EBF4: variants seen among roughly 807,000 people sequenced by gnomAD.
The protein encoded by EBF4 is transcription factor COE4.
A neutral mutation model predicts 67.1 loss-of-function variants in EBF4; 34 were observed. The ratio of observed to expected loss-of-function variants is 0.51; its 90% CI spans 0.39 to 0.67. The LOEUF (loss-of-function observed/expected upper bound fraction) is 0.67. Among genes scored for constraint, EBF4 ranks in the 30% least tolerant of loss-of-function variants. The pLI is 0.00. For synonymous variants in EBF4, 387 were observed against 377.7 expected (o/e 1.02, Z -0.29); for missense variants, 837 against 873.3 (o/e 0.96, Z 0.52).
chr20:2,758,823 C>A, intron 15 of EBF4, 86 bp from the exon 16 acceptor site: 1 of 1,222,550 alleles, frequency 8.2e-7, no homozygotes, highest in Non-Finnish European at 1.2e-6. Flanking sequence ...TATCCCCTGC[C>A]TGCTGTCTCC....
At chr20:2,743,623 G>A (rs1182542082) in intron 6 of EBF4, among the ~76,000 whole-genome samples, 2 of 152,178 alleles carry the variant, frequency 1.3e-5, no homozygotes, top group Admixed American at 1.3e-4. Flanking sequence ...GGGTTGAGGG[G>A]AGGGAGGGAG....
chr20:2,697,438 A>G (rs4815517), intron 1 of EBF4, among the ~76,000 whole-genome samples: 87,003 of 143,720 alleles, frequency 0.61, 26,897 homozygotes, highest in African/African-American at 0.86. Flanking sequence ...CCAGCTACTC[A>G]GGAGGCTGAG....
downstream of EBF4, chr20:2,759,493 C>T (rs575878181): frequency 7.6e-5 from 13 of 171,332 alleles, 1 homozygote; most frequent in South Asian, 2.0e-3. Context: ...CAGCACTGTG[C>T]AGATGCTCTT....
chr20:2,723,429 C>A (rs2087708653), intron 6 of EBF4, among the ~76,000 whole-genome samples: 1 of 152,098 alleles, frequency 6.6e-6, no homozygotes, highest in Non-Finnish European at 1.5e-5. Flanking sequence ...CGGCTCACTG[C>A]AAGCTCAGCC....
intron 6 of EBF4, among the ~76,000 whole-genome samples, chr20:2,732,437 A>C (rs907485524): frequency 6.6e-6 from 1 of 152,214 alleles, no homozygotes; most frequent in African/African-American, 2.4e-5. Flanking sequence ...TTAGATACAC[A>C]TGCTTATAAT....
At chr20:2,719,576 T>G (rs2087653001) in intron 6 of EBF4, among the ~76,000 whole-genome samples, 1 of 152,128 alleles carries the variant, frequency 6.6e-6, no homozygotes, top group Non-Finnish European at 1.5e-5. Context: ...CCTGGCCTTT[T>G]GTATTTTTTG....
At chr20:2,760,049 G>C (rs1387573046), downstream of EBF4, 4 of 152,290 alleles carry the variant, frequency 2.6e-5, no homozygotes, top group Non-Finnish European at 5.9e-5. The surrounding 1 kb of genome is among the most constrained non-coding windows in gnomAD (Gnocchi z 4.2). Context: ...GGAGAAAACA[G>C]AACAATAAAC....
chr20:2,755,574 T>TGTCTCCCACCACCTTCCCTGCTGC lies in EBF4; in HGVS notation c.1541-51_1541-28dup. The TGTCTCCCACCACCTTCCCTGCTGC allele has an allele frequency of 1.1e-6, 1 of 892,492 alleles. No homozygotes were observed. Among genetic ancestry groups the TGTCTCCCACCACCTTCCCTGCTGC allele is most frequent in the Non-Finnish European group, 1.8e-6 (1 of 556,532 alleles). The allele number at this position is 892,492 out of a possible 1,614,324, so 55.3% of individuals were successfully genotyped here. ...TCACTCTGGTGCTGTCTCCCTGTTG[T>TGTCTCCCACCACCTTCCCTGCTGC]GTCTCCCACCACCTTCCCTGCTGCG... On this transcript the variant is annotated intron_variant, in intron 14 of 16. Coordinates refer to ENST00000609451, the Ensembl canonical transcript of EBF4. The surrounding 1 kb of genome is among the most constrained non-coding windows in gnomAD (Gnocchi z 4.7).
chr20:2,759,370 G>A (rs778551851), exon 17 of EBF4: 22 of 257,910 alleles, frequency 8.5e-5, no homozygotes, highest in Non-Finnish European at 1.1e-4. Context: ...GGCCATGGGC[G>A]GACCTCAACC....
chr20:2,714,433 C>T (rs939657227), intron 6 of EBF4, among the ~76,000 whole-genome samples: 1 of 151,996 alleles, frequency 6.6e-6, no homozygotes. Flanking sequence ...GCTCACTGCA[C>T]CTCGACCTCC....
At chr20:2,741,019 A>G (rs1226325793) in intron 6 of EBF4, among the ~76,000 whole-genome samples, 1 of 152,136 alleles carries the variant, frequency 6.6e-6, no homozygotes, top group African/African-American at 2.4e-5. Context: ...GTCTTCCAAA[A>G]GAAGCTCCAG....
intron 6 of EBF4, among the ~76,000 whole-genome samples, chr20:2,743,962 G>A (rs2088006583): frequency 6.6e-6 from 1 of 151,984 alleles, no homozygotes; most frequent in Non-Finnish European, 1.5e-5. Context: ...CTTCTATCTT[G>A]CTATTTGTAC....
At chr20:2,737,040 G>C (rs952526692) in intron 6 of EBF4, among the ~76,000 whole-genome samples, 2 of 151,994 alleles carry the variant, frequency 1.3e-5, no homozygotes, top group Non-Finnish European at 2.9e-5. Flanking sequence ...ACAAGGTCAG[G>C]AGATGGAGAC....
chr20:2,705,534 T>A, intron 1 of EBF4, 43 bp from the exon 2 acceptor site: 1 of 1,551,464 alleles, frequency 6.4e-7, no homozygotes, highest in Non-Finnish European at 8.7e-7. Context: ...TCTTTCTCAC[T>A]GGGGGGCCTT....
rs965331197 is a variant in EBF4, at chr20:2,693,922, G to T, written c.137+140G>T. 2 of 1,137,112 alleles carry T rather than the reference G, an allele frequency of 1.8e-6. No individual in the cohort carries two copies. Among genetic ancestry groups the T allele is most frequent in the Non-Finnish European group, 2.2e-6 (2 of 899,824 alleles). 70.4% of individuals were successfully genotyped at this position (1,137,112 alleles called of 1,614,324 possible). On this transcript the variant is annotated intron_variant, in intron 1 of 16. Transcript: ENST00000609451. This position sits in a 1 kb window ranked among gnomAD's most constrained non-coding sequence, Gnocchi z 4.6. ...CCCGGCGAGCTCCCCGGCCCACCCCGTCCGGAGTGCCTGTGCTGCCTCCTG... is the reference window on the plus strand; with the variant it reads ...CCCGGCGAGCTCCCCGGCCCACCCCTTCCGGAGTGCCTGTGCTGCCTCCTG...
At chr20:2,700,393 T>C (rs892207081) in intron 1 of EBF4, among the ~76,000 whole-genome samples, 10 of 152,268 alleles carry the variant, frequency 6.6e-5, no homozygotes, top group African/African-American at 2.4e-4. Context: ...TCCCCCTTTC[T>C]TTCTTTTAAA....
At chr20:2,719,520 G>T (rs568115252) in intron 6 of EBF4, among the ~76,000 whole-genome samples, 1 of 152,150 alleles carries the variant, frequency 6.6e-6, no homozygotes, top group African/African-American at 2.4e-5. Context: ...AGTAATCCAG[G>T]CCCTGGCCTC....
intron 6 of EBF4, among the ~76,000 whole-genome samples, chr20:2,718,182 A>C (rs752871152): frequency 4.6e-5 from 7 of 152,096 alleles, no homozygotes; most frequent in Non-Finnish European, 1.0e-4. Context: ...TTTTAAATAT[A>C]CTGTTTGATT....
chr20:2,758,946 A>T, exon 16 of EBF4: 1 of 1,551,798 alleles, frequency 6.4e-7, no homozygotes. Flanking sequence ...TTCACTCTCC[A>T]GCCCGGGGGC....
Sources: allele counts gnomAD v4.1 joint callset (sites outside exome capture counted in the v4.1 genomes callset), GRCh38; gene constraint gnomAD v4.1.1; non-coding constraint Gnocchi (gnomAD v3.1); transcripts MANE v1.5; gene names NCBI Gene and HGNC (gene_info 2026-07-23, HGNC 2026-07-21).